Variants in ROR2 observed in about 807,000 individuals in gnomAD.
ROR2 encodes tyrosine-protein kinase transmembrane receptor ROR2.
Under a neutral mutation model 74.9 loss-of-function variants are expected in ROR2, and 33 were observed. The ratio of observed to expected loss-of-function variants is 0.44; its 90% confidence interval spans 0.33 to 0.59. ROR2 has a LOEUF of 0.59. ROR2 is among the 20% of genes least tolerant of loss of function. The pLI is 0.02. For missense variants in ROR2, 1,216 were observed against 1,313.8 expected (o/e 0.93, Z 1.15); for synonymous variants, 586 against 558.7 (o/e 1.05, Z -0.69).
At chr9:91,839,417 GGT>G (rs1257624570) in intron 1 of ROR2, among the ~76,000 whole-genome samples, 2 of 150,792 alleles carry the variant, frequency 1.3e-5, no homozygotes, top group Non-Finnish European at 3.0e-5. Flanking sequence ...GGGTCTGTGG[GGT>G]GTGTGTGTAT....
intron 4 of ROR2, among the ~76,000 whole-genome samples, chr9:91,749,974 TCACTG>T (rs1825550299): frequency 6.6e-6 from 1 of 152,228 alleles, no homozygotes; most frequent in African/African-American, 2.4e-5. Flanking sequence ...TGATCTTGGC[TCACTG>T]CAACCTCCGC....
chr9:91,913,268 T>G (rs992289550), intron 1 of ROR2, among the ~76,000 whole-genome samples: 21 of 152,308 alleles, frequency 1.4e-4, no homozygotes, highest in African/African-American at 4.8e-4. Flanking sequence ...CAGCAGTATC[T>G]GATACAAAGC....
At chr9:91,918,726 T>C (rs940118752) in intron 1 of ROR2, among the ~76,000 whole-genome samples, 8 of 152,214 alleles carry the variant, frequency 5.3e-5, no homozygotes, top group African/African-American at 1.9e-4. Flanking sequence ...GCTTGTGGAT[T>C]CTATCTCTTA....
At chr9:91,917,655 G>A (rs1831169923) in intron 1 of ROR2, among the ~76,000 whole-genome samples, 1 of 152,224 alleles carries the variant, frequency 6.6e-6, no homozygotes, top group Non-Finnish European at 1.5e-5. Context: ...CAGCAACGGT[G>A]CTCCCCACAT....
At chr9:91,757,153 A>G in intron 3 of ROR2, 119 bp downstream of exon 3, 1 of 1,347,758 alleles carries the variant, frequency 7.4e-7, no homozygotes, top group Middle Eastern at 1.8e-4. Flanking sequence ...GAACGGTTTC[A>G]TTGCTCTCCC....
chr9:91,742,774 T>C (rs1239862537), intron 4 of ROR2, among the ~76,000 whole-genome samples: 1 of 152,222 alleles, frequency 6.6e-6, no homozygotes, highest in Non-Finnish European at 1.5e-5. Flanking sequence ...TGTAATGTCC[T>C]GGGCCTTCAC....
chr9:91,756,302 G>T lies in ROR2; in HGVS notation c.464-201C>A, dbSNP rs79117151. 5.5e-4 allele frequency among the ~76,000 whole-genome samples: 84 copies of T among 152,286 alleles called. No individual in the cohort carries two copies. In the East Asian group the frequency reaches 0.011, roughly 20 times the overall value. ...AGGGAAGGGGTGCTTTGTCACTGAG[G>T]ATATCTTTGTTTTTGGAGTTTTTGC... On this transcript the variant is annotated intron_variant, in intron 3 of 8. Coordinates refer to ENST00000375708, the MANE Select transcript of ROR2 (RefSeq NM_004560.4).
chr9:91,933,531 C>T (rs1011693640), intron 1 of ROR2, among the ~76,000 whole-genome samples: 9 of 152,236 alleles, frequency 5.9e-5, no homozygotes, highest in Non-Finnish European at 1.2e-4. Flanking sequence ...CCAATGTATA[C>T]ATAAATGACA....
At chr9:91,740,330 C>T (rs1174850820) in intron 4 of ROR2, among the ~76,000 whole-genome samples, 1 of 152,010 alleles carries the variant, frequency 6.6e-6, no homozygotes, top group Admixed American at 6.6e-5. Flanking sequence ...GGGAGGATCA[C>T]AAGGTCAGAA....
At chr9:91,746,924 G>T (rs10125728) in intron 4 of ROR2, among the ~76,000 whole-genome samples, 10,682 of 152,014 alleles carry the variant, frequency 0.07, 654 homozygotes, top group East Asian at 0.2. Flanking sequence ...GTGGGCCATG[G>T]GGTGGGTCCA....
intron 1 of ROR2, among the ~76,000 whole-genome samples, chr9:91,824,324 C>G (rs949314283): frequency 6.6e-6 from 1 of 152,236 alleles, no homozygotes; most frequent in Non-Finnish European, 1.5e-5. Context: ...ACTGTGCTTC[C>G]TGCTAGAGGG....
chr9:91,758,190 G>A (rs992183176), intron 2 of ROR2, among the ~76,000 whole-genome samples: 13 of 152,178 alleles, frequency 8.5e-5, no homozygotes, highest in Admixed American at 4.6e-4. Context: ...TTTCACTGCC[G>A]TGGGCGTGTG....
At chr9:91,799,002 A>G (rs112076032) in intron 1 of ROR2, among the ~76,000 whole-genome samples, 14 of 152,266 alleles carry the variant, frequency 9.2e-5, no homozygotes, top group East Asian at 3.9e-4. Flanking sequence ...TTCCACACAG[A>G]AACACCAAGC....
chr9:91,839,477 G>A (rs753314248), intron 1 of ROR2, among the ~76,000 whole-genome samples: 11 of 151,544 alleles, frequency 7.3e-5, no homozygotes, highest in East Asian at 5.8e-4. Flanking sequence ...AGGTGTATAC[G>A]CGTGAGGATA....
intron 1 of ROR2, among the ~76,000 whole-genome samples, chr9:91,846,385 C>T (rs545316387): frequency 6.6e-6 from 1 of 152,290 alleles, no homozygotes; most frequent in East Asian, 1.9e-4. Context: ...ACTCTTTCCA[C>T]CCCATGAGGA....
In ROR2 at chr9:91,792,303, C is replaced by CTTTT. The variant is rs1358505448; in HGVS notation, c.98-16486_98-16485insAAAA. On this transcript the variant is annotated intron_variant, in intron 1 of 8. Transcript: ENST00000375708. ...GAAAAATCGAGACCAAAAGTTGGTT[C>CTTTT]TATTTTTTTTTTTTTTTTTTTTGAG... 2.1e-5 allele frequency among the ~76,000 whole-genome samples: 3 copies of CTTTT among 142,328 alleles called. 1 individual carries two copies. The highest frequency in any genetic ancestry group is 2.2e-4 in the South Asian group (1 of 4,460). 93.4% of individuals were successfully genotyped at this position (142,328 alleles called of 152,430 possible).
At chr9:91,757,590 G>A (rs751850966) in intron 2 of ROR2, 31 bp from the exon 3 acceptor site, 5 of 1,606,536 alleles carry the variant, frequency 3.1e-6, no homozygotes, top group Non-Finnish European at 4.3e-6. Context: ...AAAAGAGCAA[G>A]CGTCAGTGAG....
At chr9:91,797,789 C>A (rs1444300035) in intron 1 of ROR2, among the ~76,000 whole-genome samples, 3 of 39,018 alleles carry the variant, frequency 7.7e-5, no homozygotes, top group Admixed American at 2.4e-4. Flanking sequence ...ACACCCTGGG[C>A]TCTGTGGGTG....
At chr9:91,870,075 A>G (rs751355321) in intron 1 of ROR2, among the ~76,000 whole-genome samples, 1 of 151,264 alleles carries the variant, frequency 6.6e-6, no homozygotes, top group Admixed American at 6.6e-5. Flanking sequence ...GCATAAAATT[A>G]TATGTCCACA....
Sources: allele counts gnomAD v4.1 joint callset (sites outside exome capture counted in the v4.1 genomes callset), GRCh38; gene constraint gnomAD v4.1.1; transcripts MANE v1.5; gene names NCBI Gene and HGNC (gene_info 2026-07-23, HGNC 2026-07-21).